The following POU6F2 variants were observed in gnomAD, a reference collection of about 807,000 sequenced individuals.
POU6F2 encodes POU domain, class 6, transcription factor 2.
POU6F2 carries 31 observed loss-of-function variants against 71.3 expected under a neutral mutation model. The ratio of observed to expected loss-of-function variants is 0.43; its 90% confidence interval spans 0.33 to 0.59. POU6F2 has a LOEUF of 0.59. POU6F2 is among the 20% of genes least tolerant of loss of function. POU6F2 has a pLI of 0.04. For synonymous variants in POU6F2, 347 were observed against 355.7 expected, an observed-to-expected ratio of 0.98 and a Z score of 0.27; for missense variants, 783 against 856.8, an observed-to-expected ratio of 0.91 and a Z score of 1.07.
rs1404078032 is a variant in POU6F2 at position 39,178,327 on chromosome 7, C to A, written c.278-25908C>A. Among the ~76,000 whole-genome samples, 4 of 152,064 alleles carry A rather than the reference C, an allele frequency of 2.6e-5. No homozygotes were observed. The East Asian group carries it at 7.7e-4, about 29-fold the overall frequency. On this transcript the variant is annotated intron_variant, in intron 2 of 9. Coordinates refer to ENST00000518318, the MANE Select transcript of POU6F2 (RefSeq NM_001370959.1). ...CCCATTTTTATATGCCTCAATCTTC[C>A]CTGAATATCCCACAAGAGTTTCTCT...
intron 5 of POU6F2, among the ~76,000 whole-genome samples, chr7:39,361,907 G>A (rs910852706): frequency 6.6e-6 from 1 of 152,186 alleles, no homozygotes; most frequent in Non-Finnish European, 1.5e-5. Flanking sequence ...AGGCAAGGGG[G>A]AAGAGGCTAC....
At chr7:39,456,224 G>A (rs1788801337) in intron 8 of POU6F2, among the ~76,000 whole-genome samples, 2 of 152,150 alleles carry the variant, frequency 1.3e-5, no homozygotes, top group African/African-American at 4.8e-5. Context: ...TCCCATCAAG[G>A]TGGCCTTCAG....
chr7:39,365,317 G>C (rs896464028), intron 5 of POU6F2, among the ~76,000 whole-genome samples: 7 of 152,114 alleles, frequency 4.6e-5, no homozygotes, highest in Admixed American at 1.3e-4. Context: ...AAATGGTGCT[G>C]GGATAATTGG....
intron 4 of POU6F2, among the ~76,000 whole-genome samples, chr7:39,317,365 C>G (rs1785289737): frequency 6.6e-6 from 1 of 152,214 alleles, no homozygotes; most frequent in Non-Finnish European, 1.5e-5. Context: ...GTGGATCCCT[C>G]TTTCATAGTC....
chr7:39,233,612 C>A (rs929510471), intron 4 of POU6F2, among the ~76,000 whole-genome samples: 9 of 152,086 alleles, frequency 5.9e-5, no homozygotes, highest in African/African-American at 1.9e-4. Flanking sequence ...GGAATTAGGA[C>A]CTGGGTTTCT....
intron 2 of POU6F2, among the ~76,000 whole-genome samples, chr7:39,165,922 C>T (rs1403636181): frequency 6.6e-6 from 1 of 152,202 alleles, no homozygotes; most frequent in African/African-American, 2.4e-5. Context: ...CATTGCAGCT[C>T]CTAGGTGATC....
At chr7:39,425,895 C>A (rs1355677960) in intron 6 of POU6F2, among the ~76,000 whole-genome samples, 1 of 152,212 alleles carries the variant, frequency 6.6e-6, no homozygotes, top group Non-Finnish European at 1.5e-5. Flanking sequence ...TTCCTCTGCC[C>A]TGGAACGAAA....
Position 39,219,176 on chromosome 7 carries a change from C to T in POU6F2, c.598+11556C>T, listed in dbSNP as rs146231339. Among the ~76,000 whole-genome samples the T allele has an allele frequency of 2.3e-3, 352 of 152,154 alleles. 19 individuals carry two copies. In the East Asian group the frequency reaches 0.063, roughly 27 times the overall value. ...TGGGTCTTTTTGATTGTTGCTTACC[C>T]CTTATTTAGCCGGAATGCAACAAGA... On this transcript the variant is annotated intron_variant, in intron 4 of 9. Transcript: ENST00000518318.
chr7:39,177,673 G>C (rs781036777), intron 2 of POU6F2, among the ~76,000 whole-genome samples: 1 of 152,178 alleles, frequency 6.6e-6, no homozygotes, highest in Non-Finnish European at 1.5e-5. Context: ...AGTTCTGAAT[G>C]AGCTTGGACT....
chr7:39,445,465 C>G (rs942323882), intron 7 of POU6F2, among the ~76,000 whole-genome samples: 1 of 152,160 alleles, frequency 6.6e-6, no homozygotes, highest in African/African-American at 2.4e-5. Flanking sequence ...GCATTCTGTG[C>G]CCCTGGCCTA....
At chr7:39,248,624 C>A (rs1485469958) in intron 4 of POU6F2, among the ~76,000 whole-genome samples, 1 of 152,200 alleles carries the variant, frequency 6.6e-6, no homozygotes, top group Non-Finnish European at 1.5e-5. Context: ...GAAATACACC[C>A]ACAGTATGTG....
chr7:39,071,654 A>AACACACACACAC (rs10522287), intron 1 of POU6F2, among the ~76,000 whole-genome samples: 11 of 142,056 alleles, frequency 7.7e-5, no homozygotes, highest in Admixed American at 2.1e-4. Context: ...TCTCTAAAGA[A>AACACACACACAC]ACACACACAC....
intron 6 of POU6F2, among the ~76,000 whole-genome samples, chr7:39,425,492 G>C (rs961880910): frequency 6.6e-6 from 1 of 152,082 alleles, no homozygotes; most frequent in Non-Finnish European, 1.5e-5. Flanking sequence ...GGAATTGACT[G>C]TTCCTGTTAT....
chr7:39,226,948 T>C (rs1365522328), intron 4 of POU6F2, among the ~76,000 whole-genome samples: 2 of 152,254 alleles, frequency 1.3e-5, no homozygotes, highest in East Asian at 3.8e-4. Context: ...TTTTGACAGA[T>C]GGTCACGACT....
intron 4 of POU6F2, among the ~76,000 whole-genome samples, chr7:39,224,445 T>C (rs760129471): frequency 2.0e-5 from 3 of 151,864 alleles, no homozygotes; most frequent in African/African-American, 4.8e-5. Context: ...GCCCAGGTTA[T>C]GTCTTGGGCA....
At chr7:39,025,873 A>T (rs1434350109) in intron 1 of POU6F2, among the ~76,000 whole-genome samples, 1 of 152,078 alleles carries the variant, frequency 6.6e-6, no homozygotes, top group Non-Finnish European at 1.5e-5. Context: ...AAATATCCAG[A>T]ATCTACAATG....
intron 4 of POU6F2, among the ~76,000 whole-genome samples, chr7:39,269,640 T>G (rs1220395128): frequency 6.6e-6 from 1 of 152,218 alleles, no homozygotes; most frequent in Non-Finnish European, 1.5e-5. Context: ...AGGTGCCTCT[T>G]TTTTAGAGTT....
At chr7:39,048,927 C>T (rs1220348684) in intron 1 of POU6F2, among the ~76,000 whole-genome samples, 2 of 151,884 alleles carry the variant, frequency 1.3e-5, no homozygotes, top group African/African-American at 4.8e-5. Flanking sequence ...CTTCTTGAGT[C>T]AGTTTGCTCA....
intron 4 of POU6F2, among the ~76,000 whole-genome samples, chr7:39,292,187 G>A (rs1161379896): frequency 1.3e-5 from 2 of 152,158 alleles, no homozygotes; most frequent in Non-Finnish European, 2.9e-5. Context: ...CCTTCCACCC[G>A]GCGCCGGGCT....
Sources: allele counts gnomAD v4.1 joint callset (sites outside exome capture counted in the v4.1 genomes callset), GRCh38; gene constraint gnomAD v4.1.1; transcripts MANE v1.5; gene names NCBI Gene and HGNC (gene_info 2026-07-23, HGNC 2026-07-21).